Variants in LAMA5 observed in about 807,000 individuals in gnomAD.
LAMA5 encodes laminin subunit alpha-5.
LAMA5 carries 260 observed loss-of-function variants against 433.4 expected under a neutral mutation model. That is an observed-to-expected ratio of 0.60 (90% CI 0.54 to 0.66). LAMA5 has a LOEUF of 0.66. LAMA5 is among the 30% of genes least tolerant of loss of function. The pLI is 0.00. For synonymous variants in LAMA5, 2,620 were observed against 2,226.6 expected (o/e 1.18, Z -4.97); for missense variants, 5,378 against 5,258.5 (o/e 1.02, Z -0.70).
chr20:62,336,146 C>A (rs1388498980), intron 18 of LAMA5, among the ~76,000 whole-genome samples, 194 bp downstream of exon 18: 1 of 150,942 alleles, frequency 6.6e-6, no homozygotes, highest in African/African-American at 2.4e-5. Flanking sequence ...GAACCCCGCA[C>A]CCCAACATTC....
At position 62,318,670 on chromosome 20, in the gene LAMA5, G is replaced by C. The variant is rs1411097074; in HGVS notation, c.7043-20C>G. 1.2e-6 allele frequency: 2 copies of C among 1,605,904 alleles called. No homozygotes were observed. Among genetic ancestry groups the C allele is most frequent in the Non-Finnish European group, 1.7e-6 (2 of 1,176,472 alleles). On this transcript the variant is annotated intron_variant, in intron 52 of 79. Coordinates refer to ENST00000252999, the MANE Select transcript of LAMA5 (RefSeq NM_005560.6). Reference sequence around the variant, plus strand: ...CCAGCACTAGCCGAGACCAGGGTGAGGGTGGTCACTCTGGAAGCCAGGCCC... The same window carrying C: ...CCAGCACTAGCCGAGACCAGGGTGACGGTGGTCACTCTGGAAGCCAGGCCC...
chr20:62,315,565 CT>C (rs1419325456), intron 58 of LAMA5, among the ~76,000 whole-genome samples: 3 of 152,162 alleles, frequency 2.0e-5, no homozygotes, highest in Non-Finnish European at 1.5e-5. Flanking sequence ...TGCTCCAAGC[CT>C]CTCAGGGTGG....
intron 6 of LAMA5, among the ~76,000 whole-genome samples, chr20:62,348,400 C>G (rs7267182): frequency 1.3e-5 from 2 of 152,078 alleles, no homozygotes; most frequent in Non-Finnish European, 2.9e-5. Flanking sequence ...GTCAGGAGAT[C>G]GAGACCATCT....
intron 26 of LAMA5, among the ~76,000 whole-genome samples, 182 bp from the exon 27 acceptor site, chr20:62,332,899 C>T (rs1980751103): frequency 7.8e-6 from 1 of 128,242 alleles, no homozygotes; most frequent in Non-Finnish European, 1.7e-5. Context: ...GCCAATCCTA[C>T]ATACAGACAG....
chr20:62,332,821 C>T, intron 26 of LAMA5, 104 bp from the exon 27 acceptor site: 1 of 1,401,542 alleles, frequency 7.1e-7, no homozygotes, highest in Non-Finnish European at 9.6e-7. Flanking sequence ...TGCCCTTCAG[C>T]CGAGTCCCAC....
chr20:62,344,464 T>A (rs76804073), intron 11 of LAMA5, among the ~76,000 whole-genome samples: 2,697 of 152,126 alleles, frequency 0.018, 75 homozygotes, highest in African/African-American at 0.06. Flanking sequence ...TCTTTTTTTT[T>A]AAATTTATTT....
chr20:62,321,761 CAGT>C (rs1568919057), intron 48 of LAMA5, among the ~76,000 whole-genome samples: 55 of 54,848 alleles, frequency 1.0e-3, no homozygotes, highest in Admixed American at 2.3e-3. Flanking sequence ...GGGGTGGGGT[CAGT>C]GGGGGAGGAA....
Position 62,346,489 on chromosome 20 carries a change from C to A in LAMA5, c.1282+17G>T, listed in dbSNP as rs1983384518. ...GACCCTGAGACCCAGGACACCCGCC[C>A]AGCTGAGCCCACTCACGGCGGCAGA... On this transcript the variant is annotated intron_variant, in intron 9 of 79. Transcript: ENST00000252999. The A allele has an allele frequency of 1.3e-6, 2 of 1,549,036 alleles. No homozygotes were observed. Among genetic ancestry groups the A allele is most frequent in the South Asian group, 1.2e-5 (1 of 83,954 alleles).
At chr20:62,311,341 C>T (rs956494456) in intron 72 of LAMA5, 34 bp from the exon 73 acceptor site, 7 of 1,524,768 alleles carry the variant, frequency 4.6e-6, no homozygotes, top group African/African-American at 4.1e-5. Context: ...AGGGGCCGCC[C>T]ACACAGGGGC....
In LAMA5 at chr20:62,313,746, G is replaced by T; in HGVS notation, c.8561C>A (p.Thr2854Asn). The T allele has an allele frequency of 6.2e-7, 1 of 1,612,952 alleles. No homozygotes were observed. Among genetic ancestry groups the T allele is most frequent in the Non-Finnish European group, 8.5e-7 (1 of 1,179,980 alleles). Residue 2854 changes from threonine (T) to asparagine (N), a missense_variant, in exon 63 of 80, where the codon ACC (threonine) becomes AAC (asparagine). Thr to Asn is a moderately conservative substitution (Grantham distance 65, BLOSUM62 0). Transcript: ENST00000252999. ...VTVERQMIQETKGDTVAPGAE... is the reference protein window; with the variant it reads ...VTVERQMIQENKGDTVAPGAE... ...CCCAGGGGCCACCGTGTCACCCTTG[G>T]TTTCCTGGATCATCTGTCTCTCCAC...
At chr20:62,347,267 C>T (rs926389779) in intron 6 of LAMA5, among the ~76,000 whole-genome samples, 4 of 152,160 alleles carry the variant, frequency 2.6e-5, no homozygotes, top group African/African-American at 9.7e-5. Context: ...AGGAAAGAGG[C>T]GGTGGAGGAC....
At position 62,317,333 on chromosome 20, in the gene LAMA5, C is replaced by T. The variant is rs1026391686; in HGVS notation, c.7511+12G>A. ...GGGTGGGCCCAGGGCCCCTCCTCTC[C>T]TGGCCACCCACCTGGACAGATTGAG... On this transcript the variant is annotated intron_variant, in intron 55 of 79. Transcript: ENST00000252999. 6.3e-7 allele frequency: 1 copy of T among 1,599,742 alleles called. No individual in the cohort carries two copies. The highest frequency in any genetic ancestry group is 8.5e-7 in the Non-Finnish European group (1 of 1,175,464).
intron 2 of LAMA5, among the ~76,000 whole-genome samples, chr20:62,358,863 A>C (rs1985626439): frequency 6.6e-6 from 1 of 151,946 alleles, no homozygotes; most frequent in Non-Finnish European, 1.5e-5. Context: ...CTTGGAGGGG[A>C]CAGCTGACTG....
Position 62,338,464 on chromosome 20 carries a change from T to A in LAMA5, c.1618+4A>T, listed in dbSNP as rs745337743. ...TAGAGGTTGAGCGGGGAGAGGGGAC[T>A]CACGCTGGCAGCCGGGGCCGTAGAA... On this transcript the variant is annotated splice_donor_region_variant and intron_variant, in intron 12 of 79. Transcript: ENST00000252999. 6.2e-6 allele frequency: 10 copies of A among 1,608,146 alleles called. 1 individual carries two copies. The South Asian group carries it at 1.1e-4, about 18-fold the overall frequency.
intron 48 of LAMA5, among the ~76,000 whole-genome samples, chr20:62,321,122 G>A (rs1009389353): frequency 4.8e-5 from 7 of 146,262 alleles, no homozygotes; most frequent in Non-Finnish European, 9.0e-5. Flanking sequence ...GGTAGGGCCA[G>A]CACAAGGGGT....
In LAMA5 at chr20:62,315,179, G is replaced by A. The variant is rs548595375; in HGVS notation, c.7896C>T (p.Ala2632=). The A allele has an allele frequency of 1.9e-6, 3 of 1,610,176 alleles. No homozygotes were observed. The highest frequency in any genetic ancestry group is 2.2e-5 in the East Asian group (1 of 44,836). ...TDETSKKIAH[A]KAVAAEAQDT... is the part of the protein sequence containing the mutation. ...CCTGGGCTTCAGCAGCCACAGCCTTGGCATGTGCGATCTTCTTGCTTGTCT... is the reference window on the plus strand; with the variant it reads ...CCTGGGCTTCAGCAGCCACAGCCTTAGCATGTGCGATCTTCTTGCTTGTCT... Residue 2632 remains alanine, a synonymous_variant, in exon 59 of 80, where the codon GCC becomes GCT. Transcript: ENST00000252999.
At position 62,319,696 on chromosome 20, in the gene LAMA5, G is replaced by A. The variant is rs527608109; in HGVS notation, c.6859C>T (p.Arg2287Cys). 111 of 1,542,970 alleles carry A rather than the reference G, an allele frequency of 7.2e-5. 1 individual carries two copies. In the East Asian group the frequency reaches 2.0e-3, roughly 28 times the overall value. Reference sequence around the variant, plus strand: ...GGCTGGCCCCTACCGCTCAGGGTGCGGTCCACAGCCCGGATGGCCGCCAAC... The same window carrying A: ...GGCTGGCCCCTACCGCTCAGGGTGCAGTCCACAGCCCGGATGGCCGCCAAC... ...TLLAAIRAVD[R>C]TLSELMSQTG... The change falls in exon 51 of 80, where the codon CGC becomes TGC. Residue 2287 changes from arginine to cysteine, a missense_variant. Physicochemically the swap from Arg to Cys is radical, Grantham distance 180. Coordinates refer to ENST00000252999, the MANE Select transcript of LAMA5 (RefSeq NM_005560.6).
chr20:62,318,504 C>T lies in LAMA5; in HGVS notation c.7189G>A (p.Glu2397Lys). 6.2e-7 allele frequency: 1 copy of T among 1,608,990 alleles called. No individual in the cohort carries two copies. The highest frequency in any genetic ancestry group is 2.2e-5 in the East Asian group (1 of 44,766). The change falls in exon 53 of 80, where the codon GAG becomes AAG. Residue 2397 changes from glutamate (E) to lysine (K), a missense_variant. Coordinates refer to ENST00000252999, the MANE Select transcript of LAMA5 (RefSeq NM_005560.6). ...ALNRAVDATREAQELNSRNQE... is the reference protein window; with the variant it reads ...ALNRAVDATRKAQELNSRNQE... ...TTGCGGCTGTTGAGCTCCTGGGCCT[C>T]CCGTGTGGCGTCCACTGCCCGGTTC...
Position 62,326,899 on chromosome 20 carries a change from A to T in LAMA5, c.5180T>A (p.Val1727Asp). Residue 1727 changes from valine (V) to aspartate (D), a missense_variant, in exon 39 of 80, where the codon GTC becomes GAC. Transcript: ENST00000252999. ...HSETQRGDVF[V>D]PMESRPDVVL... ...CACATCCGGCCTGCTCTCCATGGGGACAAAGACATCTCCCCGCTGGGTCTC... is the reference window on the plus strand; with the variant it reads ...CACATCCGGCCTGCTCTCCATGGGGTCAAAGACATCTCCCCGCTGGGTCTC... 1 of 1,612,440 alleles carries T rather than the reference A, an allele frequency of 6.2e-7. No individual in the cohort carries two copies. Among genetic ancestry groups the T allele is most frequent in the Non-Finnish European group, 8.5e-7 (1 of 1,179,492 alleles).
Sources: gnomAD v4.1 joint callset for allele counts (sites outside exome capture counted in the v4.1 genomes callset) on GRCh38, gnomAD v4.1.1 for gene constraint, MANE v1.5 for transcripts, NCBI Gene and HGNC (gene_info 2026-07-23, HGNC 2026-07-21) for gene names.